The following ERAP1 variants were observed in gnomAD, a reference collection of about 807,000 sequenced individuals.
The protein encoded by ERAP1 is endoplasmic reticulum aminopeptidase 1, also known as adipocyte-derived leucine aminopeptidase.
In ERAP1, 86 loss-of-function variants were observed where a neutral mutation model predicts 103.7. The ratio of observed to expected loss-of-function variants is 0.83; its 90% CI spans 0.70 to 0.99. ERAP1 has a LOEUF of 0.99. ERAP1 is among the 50% of genes least tolerant of loss of function. The pLI, the probability that ERAP1 is intolerant of heterozygous loss-of-function variation, is 0.00. For missense variants in ERAP1, 1,009 were observed against 1,128.4 expected (o/e 0.89, Z 1.52); for synonymous variants, 398 against 402.4 (o/e 0.99, Z 0.13).
At chr5:96,846,851 C>A in the ERAP1 span, among the ~76,000 whole-genome samples, 1 of 151,898 alleles carries the variant, frequency 6.6e-6, no homozygotes, top group Admixed American at 6.6e-5. Flanking sequence ...AAATTTAAAA[C>A]TGGAACAAAT....
the ERAP1 span, among the ~76,000 whole-genome samples, chr5:96,853,107 C>T: frequency 6.6e-6 from 1 of 152,144 alleles, no homozygotes; most frequent in East Asian, 1.9e-4. Context: ...GCAGGACATG[C>T]ACTTGTCCAT....
At chr5:96,921,809 T>G in the ERAP1 span, among the ~76,000 whole-genome samples, 9 of 152,348 alleles carry the variant, frequency 5.9e-5, no homozygotes, top group Non-Finnish European at 1.2e-4. Context: ...CTTTCAATAC[T>G]ATATTTCAGG....
At chr5:96,765,791 T>C (rs944735780) in intron 19 of ERAP1, among the ~76,000 whole-genome samples, 1 of 148,786 alleles carries the variant, frequency 6.7e-6, no homozygotes, top group Non-Finnish European at 1.5e-5. Context: ...AAGATAATTA[T>C]TTAATCATTT....
chr5:96,829,798 A>T, the ERAP1 span, among the ~76,000 whole-genome samples: 2 of 152,212 alleles, frequency 1.3e-5, no homozygotes, highest in South Asian at 4.1e-4. Context: ...AAGGATATGC[A>T]TAGGAAAGTA....
the ERAP1 span, chr5:96,912,919 T>C: frequency 1.3e-6 from 1 of 746,436 alleles, no homozygotes; most frequent in Non-Finnish European, 2.1e-6. Context: ...GTGTATGGCT[T>C]TAACTTTACT....
intron 1 of ERAP1, among the ~76,000 whole-genome samples, chr5:96,807,184 T>C (rs1778717352): frequency 6.6e-6 from 1 of 152,184 alleles, no homozygotes; most frequent in African/African-American, 2.4e-5. Flanking sequence ...GATAGGAAAC[T>C]TTTAATTTGC....
chr5:96,827,664 A>AAAAT, the ERAP1 span, among the ~76,000 whole-genome samples: 48,945 of 150,854 alleles, frequency 0.32, 8,340 homozygotes, highest in East Asian at 0.44. Flanking sequence ...GACTCATCTC[A>AAAAT]AAATAAATAA....
chr5:96,849,742 G>T, the ERAP1 span, among the ~76,000 whole-genome samples: 1 of 152,088 alleles, frequency 6.6e-6, no homozygotes, highest in African/African-American at 2.4e-5. Flanking sequence ...ATTCTTCACA[G>T]AAATGGAAAA....
the ERAP1 span, among the ~76,000 whole-genome samples, chr5:96,899,534 C>G: frequency 6.6e-6 from 1 of 152,172 alleles, no homozygotes; most frequent in African/African-American, 2.4e-5. Context: ...TTCTCATTTG[C>G]AGTTGCCCTT....
intron 17 of ERAP1, 145 bp from the exon 18 acceptor site, chr5:96,780,649 G>A: frequency 1.4e-6 from 1 of 711,268 alleles, no homozygotes; most frequent in Non-Finnish European, 2.5e-6. Context: ...AATGGGTTAA[G>A]ATCTAGCTGT....
the ERAP1 span, among the ~76,000 whole-genome samples, chr5:96,852,344 C>T: frequency 6.6e-6 from 1 of 152,136 alleles, no homozygotes; most frequent in Non-Finnish European, 1.5e-5. Flanking sequence ...GTGTAATATT[C>T]AGTGCCCTCC....
the ERAP1 span, among the ~76,000 whole-genome samples, chr5:96,912,346 C>T: frequency 6.6e-6 from 1 of 151,590 alleles, no homozygotes; most frequent in Non-Finnish European, 1.5e-5. Flanking sequence ...TTTCAGAAAG[C>T]TTTTATATTT....
chr5:96,766,205 T>C, intron 19 of ERAP1: 1 of 916,530 alleles, frequency 1.1e-6, no homozygotes, highest in Non-Finnish European at 1.8e-6. Context: ...AATTCAAACC[T>C]CCCTTGAAAT....
At chr5:96,920,749 A>G in the ERAP1 span, among the ~76,000 whole-genome samples, 1 of 152,160 alleles carries the variant, frequency 6.6e-6, no homozygotes, top group Non-Finnish European at 1.5e-5. Context: ...CAAACTTTAA[A>G]CCAATCATGC....
At chr5:96,782,916 A>G in intron 15 of ERAP1, 135 bp downstream of exon 15, 1 of 870,762 alleles carries the variant, frequency 1.1e-6, no homozygotes, top group Non-Finnish European at 1.9e-6. Context: ...AATCTTAAAA[A>G]GCAATTTATT....
chr5:96,891,422 C>T, the ERAP1 span, among the ~76,000 whole-genome samples: 1 of 149,480 alleles, frequency 6.7e-6, no homozygotes, highest in African/African-American at 2.5e-5. Context: ...CATATACACA[C>T]ACATATACAG....
the ERAP1 span, among the ~76,000 whole-genome samples, chr5:96,912,200 A>AAAAAG: frequency 7.0e-6 from 1 of 143,008 alleles, no homozygotes; most frequent in Non-Finnish European, 1.5e-5. Context: ...AAAAAAAAAA[A>AAAAAG]AAAAGAAAAG....
intron 2 of ERAP1, among the ~76,000 whole-genome samples, 199 bp downstream of exon 2, chr5:96,803,204 A>C (rs1778184124): frequency 1.3e-5 from 2 of 152,228 alleles, no homozygotes; most frequent in South Asian, 2.1e-4. Context: ...GGGGAAAGAA[A>C]ATTGGTTAAA....
At chr5:96,887,905 C>G in the ERAP1 span, among the ~76,000 whole-genome samples, 2 of 152,050 alleles carry the variant, frequency 1.3e-5, no homozygotes, top group Non-Finnish European at 2.9e-5. Flanking sequence ...GCTGGCAGAT[C>G]GCCTGAGGTC....
Sources: gnomAD v4.1 joint callset for allele counts (sites outside exome capture counted in the v4.1 genomes callset) on GRCh38, gnomAD v4.1.1 for gene constraint, MANE v1.5 for transcripts, NCBI Gene and HGNC (gene_info 2026-07-23, HGNC 2026-07-21) for gene names.